Variants in EZR observed in about 807,000 individuals in gnomAD.
The protein encoded by EZR is cytovillin 2.
In EZR, 40 loss-of-function variants were observed where a neutral mutation model predicts 74.8. The ratio of observed to expected loss-of-function variants is 0.53; its 90% CI spans 0.42 to 0.70. The LOEUF (loss-of-function observed/expected upper bound fraction) is 0.70, where lower values mean the gene tolerates loss of function less well. Among genes scored for constraint, EZR ranks in the 30% least tolerant of loss-of-function variants. The pLI is 0.00. For missense variants in EZR, 678 were observed against 755.8 expected (o/e 0.90, Z 1.21); for synonymous variants, 341 against 283.3 (o/e 1.20, Z -2.05).
At chr6:158,809,477 T>C (rs561160163) in intron 2 of EZR, among the ~76,000 whole-genome samples, 1 of 152,340 alleles carries the variant, frequency 6.6e-6, no homozygotes, top group East Asian at 1.9e-4. Flanking sequence ...CACAAGATAC[T>C]GCCACTTTCT....
chr6:158,784,499 G>A, intron 6 of EZR, 145 bp downstream of exon 6: 1 of 666,628 alleles, frequency 1.5e-6, no homozygotes, highest in Non-Finnish European at 2.5e-6. Flanking sequence ...TCTTCCCTAA[G>A]AAAACCCCAC....
chr6:158,801,511 C>T (rs936076412), intron 2 of EZR, among the ~76,000 whole-genome samples: 3 of 152,164 alleles, frequency 2.0e-5, no homozygotes, highest in Non-Finnish European at 2.9e-5. Context: ...AAAATTGTCA[C>T]ATAATTCAGT....
At chr6:158,814,488 A>G (rs1777512612) in intron 2 of EZR, among the ~76,000 whole-genome samples, 1 of 151,900 alleles carries the variant, frequency 6.6e-6, no homozygotes, top group Non-Finnish European at 1.5e-5. Context: ...AAGCTTCCAG[A>G]GAACAAGGTC....
intron 8 of EZR, among the ~76,000 whole-genome samples, 183 bp from the exon 9 acceptor site, chr6:158,771,590 T>C (rs899262422): frequency 6.6e-6 from 1 of 152,006 alleles, no homozygotes; most frequent in Non-Finnish European, 1.5e-5. Flanking sequence ...ACGTGCCGCG[T>C]GTGTGTGCGG....
At chr6:158,790,367 AGTT>A (rs1404998097) in intron 2 of EZR, among the ~76,000 whole-genome samples, 2 of 152,244 alleles carry the variant, frequency 1.3e-5, no homozygotes, top group Non-Finnish European at 2.9e-5. Context: ...GTTGCCATGT[AGTT>A]GTTTTAAAAA....
intron 2 of EZR, among the ~76,000 whole-genome samples, chr6:158,814,282 GC>G (rs749784219): frequency 1.3e-5 from 2 of 152,012 alleles, no homozygotes; most frequent in Non-Finnish European, 2.9e-5. Context: ...TGCCGCGTGC[GC>G]CCCCCAGCCC....
At chr6:158,780,910 T>C (rs967724075) in intron 7 of EZR, among the ~76,000 whole-genome samples, 1 of 152,164 alleles carries the variant, frequency 6.6e-6, no homozygotes, top group Admixed American at 6.5e-5. Flanking sequence ...TGACAAATAG[T>C]CCTACATGCT....
rs1295653666 is a variant in EZR, at chr6:158,811,957, T to C, written c.12+6125A>G. Among the ~76,000 whole-genome samples, 6 of 151,894 alleles carry C rather than the reference T, an allele frequency of 4.0e-5. No individual in the cohort carries two copies. In the South Asian group the frequency reaches 8.3e-4, roughly 21 times the overall value. ...AAAGAGGAACAAGGAATGGGATCTC[T>C]TACTTCCCTACCATTTATAGGGAAG... On this transcript the variant is annotated intron_variant, in intron 2 of 13. Coordinates refer to ENST00000367075, the MANE Select transcript of EZR (RefSeq NM_001111077.2).
In EZR at chr6:158,789,242, A is replaced by C. The variant is rs747349071; in HGVS notation, c.96+46T>G. 4.9e-6 allele frequency: 7 copies of C among 1,432,890 alleles called. No individual in the cohort carries two copies. In the South Asian group the frequency reaches 7.2e-5, roughly 15 times the overall value. The allele number at this position is 1,432,890 out of a possible 1,614,324, so 88.8% of individuals were successfully genotyped here. ...CAAAATAACTGAAATGTTGCAAAAC[A>C]GTTTTTTTTTGTAGGTGGAGTTAAC... On this transcript the variant is annotated intron_variant, in intron 3 of 13. Transcript: ENST00000367075.
intron 7 of EZR, among the ~76,000 whole-genome samples, chr6:158,782,505 C>T (rs1433735626): frequency 6.6e-6 from 1 of 152,206 alleles, no homozygotes; most frequent in African/African-American, 2.4e-5. Flanking sequence ...GGAAGGAAAC[C>T]GGTACATCCA....
intron 5 of EZR, 48 bp downstream of exon 5, chr6:158,785,261 G>A (rs778637269): frequency 7.5e-6 from 12 of 1,600,026 alleles, no homozygotes; most frequent in African/African-American, 6.7e-5. Flanking sequence ...TCTCCCTGCC[G>A]AGGACGGCAT....
At chr6:158,810,078 C>A (rs184359168) in intron 2 of EZR, among the ~76,000 whole-genome samples, 1 of 152,164 alleles carries the variant, frequency 6.6e-6, no homozygotes, top group African/African-American at 2.4e-5. Flanking sequence ...AAAATATGAG[C>A]AAAATCTGAT....
chr6:158,804,686 A>T (rs1197304567), intron 2 of EZR, among the ~76,000 whole-genome samples: 1 of 152,216 alleles, frequency 6.6e-6, no homozygotes, highest in Non-Finnish European at 1.5e-5. Flanking sequence ...TATAGATTAA[A>T]CATCACTATT....
At chr6:158,816,365 AT>A (rs1777553867) in intron 2 of EZR, among the ~76,000 whole-genome samples, 1 of 152,214 alleles carries the variant, frequency 6.6e-6, no homozygotes, top group African/African-American at 2.4e-5. Flanking sequence ...ATAAATTACC[AT>A]TCATTATGAG....
At position 158,767,037 on chromosome 6, in the gene EZR, CTT is replaced by C. The variant is rs1212531370; in HGVS notation, c.1636_1637del (p.Lys546GlufsTer5). The C allele has an allele frequency of 6.2e-7, 1 of 1,614,186 alleles. No homozygotes were observed. Among genetic ancestry groups the C allele is most frequent in the Non-Finnish European group, 8.5e-7 (1 of 1,180,026 alleles). ...TGTGGATGATGTCATTGTGGGTCCT[CTT>C]ATTCTCATCTCGGGCCTGGGACAGC... Reference protein sequence around the residue: ...SELSQARDENKRTHNDIIHNE... With the variant: ...SELSQARDENXRTHNDIIHNE... On this transcript the variant is annotated frameshift_variant, in exon 14 of 14. Transcript: ENST00000367075. LOFTEE classifies it high-confidence loss of function.
intron 11 of EZR, 107 bp from the exon 12 acceptor site, chr6:158,769,525 T>G (rs1791028987): frequency 8.5e-7 from 1 of 1,175,428 alleles, no homozygotes; most frequent in Non-Finnish European, 1.2e-6. Context: ...ACGTGACACC[T>G]GAGTCCCCGC....
At chr6:158,818,465 G>C (rs1306914916) in intron 1 of EZR, among the ~76,000 whole-genome samples, 1 of 151,466 alleles carries the variant, frequency 6.6e-6, no homozygotes, top group Non-Finnish European at 1.5e-5. Context: ...TGCGCACCCA[G>C]GGGACCCCCA....
chr6:158,794,131 G>C (rs6455603), intron 2 of EZR, among the ~76,000 whole-genome samples: 61,908 of 152,068 alleles, frequency 0.41, 13,274 homozygotes, highest in Non-Finnish European at 0.49. Flanking sequence ...ACAAAAATTA[G>C]CCGGGCGTGG....
At chr6:158,800,355 G>A (rs1777163043) in intron 2 of EZR, among the ~76,000 whole-genome samples, 1 of 152,170 alleles carries the variant, frequency 6.6e-6, no homozygotes, top group Non-Finnish European at 1.5e-5. Flanking sequence ...TGTCACCAAG[G>A]AAAGGAAGGG....
Sources: gnomAD v4.1 joint callset for allele counts (sites outside exome capture counted in the v4.1 genomes callset) on GRCh38, gnomAD v4.1.1 for gene constraint, MANE v1.5 for transcripts, NCBI Gene and HGNC (gene_info 2026-07-23, HGNC 2026-07-21) for gene names.